Variants in ST6GALNAC5 observed in about 807,000 individuals in gnomAD.
The protein encoded by ST6GALNAC5 is ST6 N-acetylgalactosaminide alpha-2,6-sialyltransferase 5, also known as alpha-N-acetylgalactosaminide alpha-2,6-sialyltransferase 5.
ST6GALNAC5 carries 27 observed loss-of-function variants against 33.6 expected under a neutral mutation model. That is an observed-to-expected ratio of 0.80 (90% CI 0.59 to 1.11). The LOEUF is 1.11. Ranked by LOEUF, ST6GALNAC5 falls within the 50% of genes least tolerant of loss-of-function variation. The probability of loss-of-function intolerance (pLI) is 0.00; values close to 1 mark genes in which losing one functional copy is unlikely to be tolerated. For missense variants in ST6GALNAC5, 428 were observed against 454.0 expected (o/e 0.94, Z 0.52); for synonymous variants, 194 against 171.2 (o/e 1.13, Z -1.04).
chr1:76,942,554 T>C (rs1245209544), intron 2 of ST6GALNAC5, among the ~76,000 whole-genome samples: 1 of 152,096 alleles, frequency 6.6e-6, no homozygotes, highest in African/African-American at 2.4e-5. Flanking sequence ...AAGTGAACAG[T>C]GGGGCACAGA....
chr1:76,954,504 G>A (rs571538521), intron 2 of ST6GALNAC5, among the ~76,000 whole-genome samples: 175 of 152,090 alleles, frequency 1.2e-3, no homozygotes, highest in African/African-American at 3.7e-3. Context: ...AAAAGCCTGC[G>A]CATCCTGCAC....
chr1:76,867,827 C>A (rs1020274468), intron 1 of ST6GALNAC5, 137 bp downstream of exon 1: 1 of 1,258,110 alleles, frequency 7.9e-7, no homozygotes, highest in Non-Finnish European at 1.1e-6. Flanking sequence ...AACTTTCTAC[C>A]CGCTCCGCGT....
chr1:76,970,212 G>T (rs1202277867), intron 2 of ST6GALNAC5, among the ~76,000 whole-genome samples: 1 of 152,046 alleles, frequency 6.6e-6, no homozygotes, highest in African/African-American at 2.4e-5. Flanking sequence ...ACTTAGAAGA[G>T]CTGACAGAAA....
intron 2 of ST6GALNAC5, among the ~76,000 whole-genome samples, chr1:76,907,651 C>T (rs1206830743): frequency 1.3e-5 from 2 of 152,110 alleles, no homozygotes; most frequent in African/African-American, 2.4e-5. Context: ...TTAAATTCCT[C>T]CAACTCTATC....
chr1:77,030,906 C>T (rs761835366), intron 2 of ST6GALNAC5, among the ~76,000 whole-genome samples: 2 of 152,196 alleles, frequency 1.3e-5, no homozygotes, highest in African/African-American at 2.4e-5. Context: ...TTGTATTTTA[C>T]AATTCCTTGC....
chr1:77,010,474 G>A (rs1000780413), intron 2 of ST6GALNAC5, among the ~76,000 whole-genome samples: 17 of 152,162 alleles, frequency 1.1e-4, no homozygotes, highest in Admixed American at 7.9e-4. Flanking sequence ...CAGCCTGGGC[G>A]ACAGAGCAAG....
intron 2 of ST6GALNAC5, among the ~76,000 whole-genome samples, chr1:76,952,631 G>A (rs1647795428): frequency 6.6e-6 from 1 of 151,866 alleles, no homozygotes; most frequent in African/African-American, 2.4e-5. Flanking sequence ...TCCATCATGT[G>A]TATTGCAACA....
chr1:76,998,030 C>CTGAG (rs1650003070), intron 2 of ST6GALNAC5, among the ~76,000 whole-genome samples: 4 of 152,194 alleles, frequency 2.6e-5, no homozygotes, highest in Non-Finnish European at 5.9e-5. Flanking sequence ...ATCCTCCCTC[C>CTGAG]TGCTGCCCTG....
At chr1:77,040,901 G>A (rs1557771184) in intron 2 of ST6GALNAC5, among the ~76,000 whole-genome samples, 1 of 152,188 alleles carries the variant, frequency 6.6e-6, no homozygotes. Context: ...CCTCAGTGAA[G>A]GTCTTTAGAA....
At chr1:76,999,549 T>A (rs1457275318) in intron 2 of ST6GALNAC5, among the ~76,000 whole-genome samples, 2 of 151,586 alleles carry the variant, frequency 1.3e-5, no homozygotes, top group South Asian at 4.2e-4. Flanking sequence ...TGCAGGTTAG[T>A]TACATATGTA....
At chr1:76,922,935 CAAAA>C (rs552411649) in intron 2 of ST6GALNAC5, among the ~76,000 whole-genome samples, 1 of 93,386 alleles carries the variant, frequency 1.1e-5, no homozygotes. Context: ...AACCTTGCCT[CAAAA>C]AAAAAAAAAA....
rs113384882 is a variant in ST6GALNAC5 at position 77,040,831 on chromosome 1, C to T, written c.262-3373C>T. On this transcript the variant is annotated intron_variant, in intron 2 of 4. Transcript: ENST00000477717. The stretch of plus-strand genomic sequence containing the variant: ...CTTAGGGTCCACTGGGATGAACTTA[C>T]AAAGTAACCTTATTAAGCAAATGTG... Among the ~76,000 whole-genome samples, 11 of 152,286 alleles carry T rather than the reference C, an allele frequency of 7.2e-5. 1 individual carries two copies. The highest frequency in any genetic ancestry group is 2.6e-4 in the African/African-American group (11 of 41,568).
intron 2 of ST6GALNAC5, among the ~76,000 whole-genome samples, chr1:76,914,916 G>T (rs1403140284): frequency 6.6e-6 from 1 of 151,936 alleles, no homozygotes; most frequent in Non-Finnish European, 1.5e-5. Flanking sequence ...CCTACAAAAT[G>T]GGAGAAAATT....
chr1:76,980,226 T>A (rs1273978073), intron 2 of ST6GALNAC5, among the ~76,000 whole-genome samples: 1 of 152,160 alleles, frequency 6.6e-6, no homozygotes, highest in Non-Finnish European at 1.5e-5. Flanking sequence ...ATTTTTATGA[T>A]TTCTTTCTCT....
At chr1:77,027,143 C>A (rs567649278) in intron 2 of ST6GALNAC5, among the ~76,000 whole-genome samples, 1 of 152,348 alleles carries the variant, frequency 6.6e-6, no homozygotes, top group East Asian at 1.9e-4. Context: ...GCTTCTGGAT[C>A]CTTTCACGGT....
chr1:76,957,085 C>G (rs1312404231), intron 2 of ST6GALNAC5, among the ~76,000 whole-genome samples: 1 of 152,082 alleles, frequency 6.6e-6, no homozygotes, highest in Non-Finnish European at 1.5e-5. Context: ...TTTACCTTTA[C>G]CTACTATATT....
chr1:77,004,250 C>A (rs1329689717), intron 2 of ST6GALNAC5, among the ~76,000 whole-genome samples: 9 of 150,734 alleles, frequency 6.0e-5, no homozygotes, highest in Admixed American at 5.9e-4. Context: ...TTTCATCTTC[C>A]ATCGCTGATA....
At chr1:77,050,175 C>A in intron 3 of ST6GALNAC5, 83 bp from the exon 4 acceptor site, 2 of 1,164,578 alleles carry the variant, frequency 1.7e-6, no homozygotes, top group South Asian at 2.6e-5. Flanking sequence ...TATAGTTAGC[C>A]TTACTCTAGG....
chr1:76,869,322 T>G (rs967744531), intron 2 of ST6GALNAC5, among the ~76,000 whole-genome samples: 1 of 152,238 alleles, frequency 6.6e-6, no homozygotes, highest in African/African-American at 2.4e-5. Flanking sequence ...CTCATCATTG[T>G]GAGCCTGTCT....
Sources: allele counts gnomAD v4.1 joint callset (sites outside exome capture counted in the v4.1 genomes callset), GRCh38; gene constraint gnomAD v4.1.1; transcripts MANE v1.5; gene names NCBI Gene and HGNC (gene_info 2026-07-23, HGNC 2026-07-21).